Variants in SLC27A1 observed in about 807,000 individuals in gnomAD.
The protein encoded by SLC27A1 is solute carrier family 27 member 1.
In SLC27A1, 61 loss-of-function variants were observed where a neutral mutation model predicts 62.2. That is an observed-to-expected ratio of 0.98 (90% CI 0.80 to 1.21). The LOEUF (loss-of-function observed/expected upper bound fraction) is 1.21. Ranked by LOEUF, SLC27A1 falls within the 50% of genes most tolerant of loss-of-function variation. SLC27A1 has a pLI of 0.00. For missense variants in SLC27A1, 903 were observed against 932.1 expected, an observed-to-expected ratio of 0.97 and a Z score of 0.41; for synonymous variants, 435 against 408.6, an observed-to-expected ratio of 1.06 and a Z score of -0.78.
chr19:17,503,055 T>C (rs1298362994), intron 11 of SLC27A1, among the ~76,000 whole-genome samples: 1 of 152,120 alleles, frequency 6.6e-6, no homozygotes, highest in African/African-American at 2.4e-5. Context: ...CAAGAGAGTG[T>C]GTGCAAGGGA....
intron 1 of SLC27A1, among the ~76,000 whole-genome samples, chr19:17,484,302 G>A (rs1463104436): frequency 6.6e-6 from 1 of 152,080 alleles, no homozygotes; most frequent in African/African-American, 2.4e-5. Context: ...AATAAATAAG[G>A]ATGGAATGAG....
chr19:17,486,046 C>A lies in SLC27A1; in HGVS notation c.168-517C>A, dbSNP rs988533877. Among the ~76,000 whole-genome samples the A allele has an allele frequency of 1.3e-5, 2 of 152,184 alleles. No homozygotes were observed. The highest frequency in any genetic ancestry group is 2.9e-5 in the Non-Finnish European group (2 of 68,014). On this transcript the variant is annotated intron_variant, in intron 1 of 11. Transcript: ENST00000252595. This position sits in a 1 kb window ranked among gnomAD's most constrained non-coding sequence, Gnocchi z 6.6. ...TTACACCCCCCATCCACTGGCACAT[C>A]TCCTGGCCCTACCTGGGGCAGGGGC...
chr19:17,468,841 G>C (rs767356698), upstream of SLC27A1: 1 of 154,012 alleles, frequency 6.5e-6, no homozygotes, highest in Non-Finnish European at 1.4e-5. Flanking sequence ...AGAGGAGGGG[G>C]AGCTGGAAGG....
intron 7 of SLC27A1, 24 bp from the exon 8 acceptor site, chr19:17,500,254 C>G: frequency 6.2e-7 from 1 of 1,610,648 alleles, no homozygotes; most frequent in Non-Finnish European, 8.5e-7. Context: ...CCGGCTCCTT[C>G]CAACTCAGTT....
chr19:17,497,072 C>G (rs373777391), intron 6 of SLC27A1, 183 bp from the exon 7 acceptor site: 2 of 540,444 alleles, frequency 3.7e-6, no homozygotes, highest in Non-Finnish European at 6.5e-6. Flanking sequence ...AGAGACTGAA[C>G]GAGTCCTAGG....
chr19:17,501,382 C>CA lies in SLC27A1; in HGVS notation c.1747dup (p.Ile583AsnfsTer28). On this transcript the variant is annotated frameshift_variant, in exon 11 of 12. Transcript: ENST00000252595. LOFTEE classifies it low-confidence loss of function (END_TRUNC). ...AGGTGCTGGCACCCTATGCCCGGCCCATCTTCCTGCGCCTCCTGCCCCAGG... is the reference window on the plus strand; with the variant it reads ...AGGTGCTGGCACCCTATGCCCGGCCCAATCTTCCTGCGCCTCCTGCCCCAGG... 1 of 1,613,792 alleles carries CA rather than the reference C, an allele frequency of 6.2e-7. No individual in the cohort carries two copies. Among genetic ancestry groups the CA allele is most frequent in the Non-Finnish European group, 8.5e-7 (1 of 1,179,926 alleles).
chr19:17,470,816 G>T, intron 1 of SLC27A1, 109 bp downstream of exon 1: 1 of 1,051,728 alleles, frequency 9.5e-7, no homozygotes, highest in Non-Finnish European at 1.3e-6. Context: ...GGAGAGCTGA[G>T]GGTGCTTTGT....
chr19:17,482,424 G>A (rs749200566), intron 1 of SLC27A1, among the ~76,000 whole-genome samples: 3 of 151,992 alleles, frequency 2.0e-5, no homozygotes, highest in Admixed American at 6.6e-5. Flanking sequence ...AGGCCGAGGC[G>A]GGTGGATCAC....
rs1458113927 is a variant in SLC27A1 at position 17,505,040 on chromosome 19, C to T, written c.*428C>T. ...TCCTGAGTAGCTGGGATTACAGGCA[C>T]CCGCCACCACGTCCAGCTAATTTTT... On this transcript the variant is annotated 3_prime_UTR_variant, in exon 12 of 12. Coordinates refer to ENST00000252595, the MANE Select transcript of SLC27A1 (RefSeq NM_198580.3). 1 of 359,528 alleles carries T rather than the reference C, an allele frequency of 2.8e-6. No individual in the cohort carries two copies. Among genetic ancestry groups the T allele is most frequent in the Non-Finnish European group, 5.4e-6 (1 of 184,048 alleles). The allele number at this position is 359,528 out of a possible 1,614,324, so 22.3% of individuals were successfully genotyped here.
chr19:17,487,013 G>A, intron 2 of SLC27A1, 56 bp downstream of exon 2: 1 of 1,537,972 alleles, frequency 6.5e-7, no homozygotes, highest in Non-Finnish European at 8.7e-7. Context: ...CCCCTGGGCG[G>A]GCGGGGAGAT....
At chr19:17,471,617 G>A (rs1185996491) in intron 1 of SLC27A1, among the ~76,000 whole-genome samples, 1 of 152,100 alleles carries the variant, frequency 6.6e-6, no homozygotes, top group Non-Finnish European at 1.5e-5. Context: ...CGGCTAGCGG[G>A]GCAGGGCTCA....
intron 6 of SLC27A1, among the ~76,000 whole-genome samples, chr19:17,490,271 C>T (rs1297216557): frequency 1.3e-5 from 2 of 152,050 alleles, no homozygotes; most frequent in Non-Finnish European, 2.9e-5. Flanking sequence ...CCAGCATTGG[C>T]CTCCCAAGTA....
At chr19:17,491,253 T>C (rs1247836245) in intron 6 of SLC27A1, 1 of 151,450 alleles carries the variant, frequency 6.6e-6, no homozygotes, top group Non-Finnish European at 1.5e-5. Context: ...ACAATCACCA[T>C]GTCTATCTAG....
chr19:17,472,410 A>T (rs972345456), intron 1 of SLC27A1, among the ~76,000 whole-genome samples: 2 of 151,634 alleles, frequency 1.3e-5, no homozygotes, highest in Admixed American at 6.6e-5. Context: ...AAAAAAAAAA[A>T]ATAGAATTAG....
At chr19:17,476,640 T>G (rs1406548894) in intron 1 of SLC27A1, among the ~76,000 whole-genome samples, 6 of 151,958 alleles carry the variant, frequency 3.9e-5, no homozygotes, top group Non-Finnish European at 7.4e-5. Flanking sequence ...CAGCACTTGA[T>G]AAATGCTTTG....
At chr19:17,501,507 A>C in intron 11 of SLC27A1, 88 bp downstream of exon 11, 1 of 1,525,800 alleles carries the variant, frequency 6.6e-7, no homozygotes, top group Admixed American at 1.9e-5. Context: ...TTGCTCTAAA[A>C]GAATACCTGG....
At chr19:17,503,919 A>G (rs1456613444) in intron 11 of SLC27A1, among the ~76,000 whole-genome samples, 22 of 136,144 alleles carry the variant, frequency 1.6e-4, no homozygotes, top group African/African-American at 6.1e-4. Context: ...GTGACAAAGC[A>G]AGACTATGTC....
At chr19:17,476,981 C>T (rs946428125) in intron 1 of SLC27A1, among the ~76,000 whole-genome samples, 9 of 149,460 alleles carry the variant, frequency 6.0e-5, no homozygotes, top group African/African-American at 1.5e-4. Flanking sequence ...CTTCACCTCC[C>T]GGGTTCAAAC....
intron 1 of SLC27A1, among the ~76,000 whole-genome samples, chr19:17,474,797 ATTTTGTAT>A (rs2075107087): frequency 6.6e-6 from 1 of 151,222 alleles, no homozygotes; most frequent in Admixed American, 6.6e-5. Context: ...CGCCCAGCTA[ATTTTGTAT>A]TTTTAGTAGA....
Sources: gnomAD v4.1 joint callset for allele counts (sites outside exome capture counted in the v4.1 genomes callset) on GRCh38, gnomAD v4.1.1 for gene constraint, Gnocchi (gnomAD v3.1) non-coding constraint, MANE v1.5 for transcripts, NCBI Gene and HGNC (gene_info 2026-07-23, HGNC 2026-07-21) for gene names.